The following JAKMIP3 variants were observed in gnomAD, a reference collection of about 807,000 sequenced individuals.
JAKMIP3 encodes the protein janus kinase and microtubule-interacting protein 3.
Under a neutral mutation model 118.5 loss-of-function variants are expected in JAKMIP3, and 58 were observed. That is an observed-to-expected ratio of 0.49 (90% CI 0.40 to 0.61). The LOEUF (loss-of-function observed/expected upper bound fraction) is 0.61. Ranked by LOEUF, JAKMIP3 falls within the 20% of genes least tolerant of loss-of-function variation. JAKMIP3 has a pLI of 0.00. For synonymous variants in JAKMIP3, 486 were observed against 451.2 expected (o/e 1.08, Z -0.98); for missense variants, 950 against 1,109.0 (o/e 0.86, Z 2.04).
intron 3 of JAKMIP3, among the ~76,000 whole-genome samples, chr10:132,125,688 A>G (rs1245590468): frequency 6.6e-6 from 1 of 152,240 alleles, no homozygotes; most frequent in Non-Finnish European, 1.5e-5. Flanking sequence ...GAGGTCTTAC[A>G]TATCATTATT....
chr10:132,091,530 T>C (rs111375039), intron 1 of JAKMIP3, among the ~76,000 whole-genome samples: 5,317 of 152,028 alleles, frequency 0.035, 155 homozygotes, highest in South Asian at 0.14. Context: ...TATGTAATGG[T>C]CTTCTTTGTC....
chr10:132,066,449 C>T (rs532725708), intron 1 of JAKMIP3, among the ~76,000 whole-genome samples: 2 of 152,318 alleles, frequency 1.3e-5, no homozygotes, highest in South Asian at 2.1e-4. Flanking sequence ...GAGAATCCCA[C>T]GGACATAGCA....
chr10:132,126,311 T>G (rs992669893), intron 3 of JAKMIP3, among the ~76,000 whole-genome samples: 23 of 151,782 alleles, frequency 1.5e-4, no homozygotes, highest in African/African-American at 5.3e-4. Flanking sequence ...ACTTTTTTTT[T>G]TTTTTTTCCT....
intron 21 of JAKMIP3, 89 bp downstream of exon 21, chr10:132,164,824 C>A: frequency 2.3e-6 from 2 of 885,202 alleles, no homozygotes; most frequent in Non-Finnish European, 3.7e-6. Flanking sequence ...CAGCTCCAGG[C>A]CGTTGGGGCA....
chr10:132,085,152 A>G (rs1450817211), intron 1 of JAKMIP3, among the ~76,000 whole-genome samples: 1 of 152,166 alleles, frequency 6.6e-6, no homozygotes, highest in Non-Finnish European at 1.5e-5. Context: ...GATTGGTACC[A>G]ATTCTTTGAA....
At chr10:132,097,364 G>C (rs2044025981) in intron 1 of JAKMIP3, among the ~76,000 whole-genome samples, 1 of 152,148 alleles carries the variant, frequency 6.6e-6, no homozygotes, top group Non-Finnish European at 1.5e-5. Flanking sequence ...GGTGAACTGT[G>C]GGTCACCACC....
At position 132,180,726 on chromosome 10, in the gene JAKMIP3, T is replaced by TGTGC. The variant is rs1411494691; in HGVS notation, c.*1104-1627_*1104-1624dup. On this transcript the variant is annotated intron_variant, in intron 23 of 23. Transcript: ENST00000684848. ...GTGTGTGCGCGTGTGTGTGCGTGTG[T>TGTGC]GTGCGTGTGTGCGTGCGTGCGCGCG... 1.1e-3 allele frequency among the ~76,000 whole-genome samples: 23 copies of TGTGC among 21,120 alleles called. 1 individual carries two copies. The highest frequency in any genetic ancestry group is 4.6e-3 in the African/African-American group (18 of 3,936). The allele number at this position is 21,120 out of a possible 152,430, so 13.9% of individuals were successfully genotyped here.
rs973235711 is a variant in JAKMIP3 at position 132,168,333 on chromosome 10, C to T, written c.*403C>T. The T allele has an allele frequency of 3.1e-6, 4 of 1,289,504 alleles. No individual in the cohort carries two copies. Among genetic ancestry groups the T allele is most frequent in the African/African-American group, 1.5e-5 (1 of 65,918 alleles). 79.9% of individuals were successfully genotyped at this position (1,289,504 alleles called of 1,614,324 possible). ...GGGTCCCCTCCTCTCTCTTGGTTCT[C>T]ACAGTAGCTGCCACTGGTGTCTGGA... On this transcript the variant is annotated 3_prime_UTR_variant, in exon 23 of 24. Coordinates refer to ENST00000684848, the MANE Select transcript of JAKMIP3 (RefSeq NM_001323087.2).
In JAKMIP3 at chr10:132,152,852, C is replaced by A. The variant is rs147892876; in HGVS notation, c.2008-106C>A. ...TTTTTAGCTCTGGCCCCCACCCAGG[C>A]GTCCCCAGTCAGCCTCCCCAGTCAG... On this transcript the variant is annotated intron_variant, in intron 16 of 23. Transcript: ENST00000684848. 1.8e-5 allele frequency: 15 copies of A among 827,666 alleles called. No homozygotes were observed. In the East Asian group the frequency reaches 4.1e-4, roughly 23 times the overall value. The allele number at this position is 827,666 out of a possible 1,614,324, so 51.3% of individuals were successfully genotyped here. A position where few individuals can be genotyped will look rare whatever the true frequency, so the allele number is the denominator to read the frequency against.
At chr10:132,065,934 C>T (rs2038693923), upstream of JAKMIP3, among the ~76,000 whole-genome samples, 1 of 152,180 alleles carries the variant, frequency 6.6e-6, no homozygotes, top group Admixed American at 6.5e-5. The surrounding 1 kb of genome is among the most constrained non-coding windows in gnomAD (Gnocchi z 5.6). Flanking sequence ...AAGCCGAGCT[C>T]TTTGCTGAGT....
chr10:132,150,157 C>A, intron 16 of JAKMIP3, 116 bp downstream of exon 16: 1 of 745,388 alleles, frequency 1.3e-6, no homozygotes, highest in Non-Finnish European at 2.2e-6. Context: ...GCCACCCTGC[C>A]TGAGACCCTC....
chr10:132,091,447 T>C (rs979549134), intron 1 of JAKMIP3, among the ~76,000 whole-genome samples: 1 of 152,222 alleles, frequency 6.6e-6, no homozygotes, highest in Non-Finnish European at 1.5e-5. Context: ...TTTATGAATC[T>C]GGGTGCTCCT....
In JAKMIP3 at chr10:132,171,648, C is replaced by CTTTTT. The variant is rs1324091102; in HGVS notation, c.*1103+2618_*1103+2619insTTTTT. Among the ~76,000 whole-genome samples, 3 of 125,582 alleles carry CTTTTT rather than the reference C, an allele frequency of 2.4e-5. No individual in the cohort carries two copies. The South Asian group carries it at 7.2e-4, about 30-fold the overall frequency. 82.4% of individuals were successfully genotyped at this position (125,582 alleles called of 152,430 possible). ...CCTGATGTCCCTGTCTTATTTTTTTCTTTCTTTTTTTTTTTTTTTTTTGAG... is the reference window on the plus strand; with the variant it reads ...CCTGATGTCCCTGTCTTATTTTTTTCTTTTTTTTCTTTTTTTTTTTTTTTTTTGAG... On this transcript the variant is annotated intron_variant, in intron 23 of 23. Transcript: ENST00000684848.
At chr10:132,084,969 G>T (rs1165001400) in intron 1 of JAKMIP3, among the ~76,000 whole-genome samples, 1 of 152,056 alleles carries the variant, frequency 6.6e-6, no homozygotes, top group Non-Finnish European at 1.5e-5. Flanking sequence ...TGTTGGATTC[G>T]GTTAGCTAGT....
At chr10:132,152,555 G>C (rs543895095) in intron 16 of JAKMIP3, among the ~76,000 whole-genome samples, 1 of 152,346 alleles carries the variant, frequency 6.6e-6, no homozygotes, top group African/African-American at 2.4e-5. Flanking sequence ...CTGTTCCCAA[G>C]TGGTGTTTTA....
chr10:132,182,868 C>G lies in JAKMIP3; in HGVS notation c.*1615C>G, dbSNP rs2061603671. ...TCAGGGAAAAGCTAATAGTATCAGACAGATATGCTTTTTCTTTGGTGGCTG... is the reference window on the plus strand; with the variant it reads ...TCAGGGAAAAGCTAATAGTATCAGAGAGATATGCTTTTTCTTTGGTGGCTG... On this transcript the variant is annotated 3_prime_UTR_variant, in exon 24 of 24. Coordinates refer to ENST00000684848, the MANE Select transcript of JAKMIP3 (RefSeq NM_001323087.2). The G allele has an allele frequency of 6.6e-6, 1 of 152,188 alleles. No individual in the cohort carries two copies. The highest frequency in any genetic ancestry group is 1.5e-5 in the Non-Finnish European group (1 of 68,026). The allele number at this position is 152,188 out of a possible 1,614,324, so 9.4% of individuals were successfully genotyped here.
intron 19 of JAKMIP3, among the ~76,000 whole-genome samples, chr10:132,154,455 T>C (rs1293305289): frequency 6.6e-6 from 1 of 152,226 alleles, no homozygotes; most frequent in Non-Finnish European, 1.5e-5. Flanking sequence ...AGGACGTTTC[T>C]AGGTTGAAAA....
chr10:132,046,105 A>C (rs2037906253), intron 1 of JAKMIP3, among the ~76,000 whole-genome samples: 1 of 152,200 alleles, frequency 6.6e-6, no homozygotes, highest in African/African-American at 2.4e-5. Context: ...TGACACCCCC[A>C]GCTTCCACGC....
chr10:132,136,159 G>A, intron 6 of JAKMIP3, 83 bp downstream of exon 6: 2 of 1,467,998 alleles, frequency 1.4e-6, no homozygotes, highest in Admixed American at 3.8e-5. Flanking sequence ...GCAAGATTTA[G>A]CATGACAGCC....
Sources: allele counts gnomAD v4.1 joint callset (sites outside exome capture counted in the v4.1 genomes callset), GRCh38; gene constraint gnomAD v4.1.1; non-coding constraint Gnocchi (gnomAD v3.1); transcripts MANE v1.5; gene names NCBI Gene and HGNC (gene_info 2026-07-23, HGNC 2026-07-21).